The following KCNQ1 variants were observed in gnomAD, a reference collection of about 807,000 sequenced individuals.
The protein encoded by KCNQ1 is potassium voltage-gated channel subfamily KQT member 1.
Under a neutral mutation model 72.4 loss-of-function variants are expected in KCNQ1, and 49 were observed. The ratio of observed to expected loss-of-function variants is 0.68; its 90% confidence interval spans 0.54 to 0.86. The LOEUF (loss-of-function observed/expected upper bound fraction) is 0.86, where lower values mean the gene tolerates loss of function less well. Ranked by LOEUF, KCNQ1 falls within the 40% of genes least tolerant of loss-of-function variation. The pLI is 0.00. For synonymous variants in KCNQ1, 450 were observed against 412.6 expected (o/e 1.09, Z -1.10); for missense variants, 790 against 945.1 (o/e 0.84, Z 2.15).
chr11:2,638,007 C>CT (rs943117728), intron 10 of KCNQ1: 3 of 152,104 alleles, frequency 2.0e-5, no homozygotes, highest in Admixed American at 2.0e-4. Flanking sequence ...CAACCCCTGC[C>CT]TTTTTTTATT....
At chr11:2,568,749 A>G (rs559483329) in intron 2 of KCNQ1, among the ~76,000 whole-genome samples, 2 of 152,192 alleles carry the variant, frequency 1.3e-5, no homozygotes, top group Non-Finnish European at 2.9e-5. Flanking sequence ...CCTCTTCTCT[A>G]AGGAGCTCAG....
At chr11:2,825,163 C>T (rs865991419) in intron 15 of KCNQ1, among the ~76,000 whole-genome samples, 29 of 150,074 alleles carry the variant, frequency 1.9e-4, no homozygotes, top group African/African-American at 4.0e-4. Flanking sequence ...TGGGAGGTGC[C>T]GTTTCCCTGC....
intron 15 of KCNQ1, among the ~76,000 whole-genome samples, chr11:2,799,375 AGTGTGT>A (rs3079043): frequency 6.1e-5 from 9 of 147,310 alleles, no homozygotes; most frequent in African/African-American, 1.0e-4. Flanking sequence ...TGTAAGTTCG[AGTGTGT>A]GTGTGTGTGT....
At chr11:2,779,627 G>A (rs1846782710) in intron 15 of KCNQ1, among the ~76,000 whole-genome samples, 2 of 152,084 alleles carry the variant, frequency 1.3e-5, no homozygotes, top group African/African-American at 2.4e-5. Context: ...CCTTTCTTAC[G>A]GCTCTGCCCC....
chr11:2,555,286 C>T (rs1274471641), intron 2 of KCNQ1, among the ~76,000 whole-genome samples: 32 of 152,074 alleles, frequency 2.1e-4, no homozygotes, highest in Admixed American at 2.0e-3. Context: ...AAATAATGTC[C>T]CCCGCTCCAC....
At position 2,725,858 on chromosome 11, in the gene KCNQ1, A is replaced by AG. The variant is rs1057134114; in HGVS notation, c.1515-42984dup. Among the ~76,000 whole-genome samples, 4 of 145,924 alleles carry AG rather than the reference A, an allele frequency of 2.7e-5. No individual in the cohort carries two copies. Among genetic ancestry groups the AG allele is most frequent in the African/African-American group, 1.0e-4 (4 of 39,394 alleles). On this transcript the variant is annotated intron_variant, in intron 11 of 15. Transcript: ENST00000155840. This position sits in a 1 kb window ranked among gnomAD's most constrained non-coding sequence, Gnocchi z 7.2. ...CTCTGAGAGCTCCCTGGGGCCCCAC[A>AG]GGCCAAGCGTTTTCTGACTTGGAGA...
chr11:2,585,325 C>A lies in KCNQ1; in HGVS notation c.1128+18C>A. 1 of 1,605,990 alleles carries A rather than the reference C, an allele frequency of 6.2e-7. No homozygotes were observed. The highest frequency in any genetic ancestry group is 8.5e-7 in the Non-Finnish European group (1 of 1,172,968). ...TCATTCAGGTGCGGTGCCTGCAAGG[C>A]CCTGGTCACTGTCATTTTGGTCACT... On this transcript the variant is annotated intron_variant, in intron 8 of 15. Coordinates refer to ENST00000155840, the MANE Select transcript of KCNQ1 (RefSeq NM_000218.3).
rs1030885089 is a variant in KCNQ1 at position 2,526,212 on chromosome 11, T to C, written c.387-1716T>C. ...CTGGGGCACGACATGGAGGGTTCAC[T>C]GACTGGCTGGGTGTGTGGGCTGGGG... On this transcript the variant is annotated intron_variant, in intron 1 of 15. Transcript: ENST00000155840. This position sits in a 1 kb window ranked among gnomAD's most constrained non-coding sequence, Gnocchi z 6.1. Among the ~76,000 whole-genome samples the C allele has an allele frequency of 1.3e-5, 2 of 152,012 alleles. No homozygotes were observed. The highest frequency in any genetic ancestry group is 4.8e-5 in the African/African-American group (2 of 41,374).
chr11:2,837,152 C>G (rs936492930), intron 15 of KCNQ1, among the ~76,000 whole-genome samples: 3 of 152,174 alleles, frequency 2.0e-5, no homozygotes, highest in South Asian at 2.1e-4. Flanking sequence ...TGGGCAGCCT[C>G]TCGAGTGTCC....
At chr11:2,743,249 C>T (rs188047721) in intron 11 of KCNQ1, among the ~76,000 whole-genome samples, 2 of 152,218 alleles carry the variant, frequency 1.3e-5, no homozygotes, top group African/African-American at 2.4e-5. Context: ...CCCTCATTGA[C>T]TCCGAGGGTC....
At position 2,464,724 on chromosome 11, in the gene KCNQ1, T is replaced by C. The variant is rs898837443; in HGVS notation, c.386+19240T>C. Among the ~76,000 whole-genome samples the C allele has an allele frequency of 2.6e-5, 4 of 151,926 alleles. No individual in the cohort carries two copies. Among genetic ancestry groups the C allele is most frequent in the African/African-American group, 9.7e-5 (4 of 41,344 alleles). ...TCCGTGTTGGACTCTGGGATGCTGG[T>C]GGGAAGAACAGTCTGGGCGAGGAGG... On this transcript the variant is annotated intron_variant, in intron 1 of 15. Transcript: ENST00000155840. The surrounding 1 kb of genome is among the most constrained non-coding windows in gnomAD (Gnocchi z 5.0).
intron 1 of KCNQ1, among the ~76,000 whole-genome samples, chr11:2,459,020 C>T (rs566866788): frequency 3.3e-5 from 5 of 152,346 alleles, no homozygotes; most frequent in Non-Finnish European, 5.9e-5. Context: ...TTCTGATTCC[C>T]GTGCCCAGTT....
In KCNQ1 at chr11:2,766,852, G is replaced by T. The variant is rs989724267; in HGVS notation, c.1515-1992G>T. 6.6e-6 allele frequency among the ~76,000 whole-genome samples: 1 copy of T among 151,396 alleles called. No individual in the cohort carries two copies. The highest frequency in any genetic ancestry group is 1.5e-5 in the Non-Finnish European group (1 of 68,038). On this transcript the variant is annotated intron_variant, in intron 11 of 15. Transcript: ENST00000155840. The surrounding 1 kb of genome is among the most constrained non-coding windows in gnomAD (Gnocchi z 4.4). ...TTCTGTATCAGTTACCTATTGTTGC[G>T]TAGCAAACTAGACCTAAATTTAGTG...
Position 2,541,272 on chromosome 11 carries a change from G to A in KCNQ1, c.477+13254G>A, listed in dbSNP as rs1847818625. On this transcript the variant is annotated intron_variant, in intron 2 of 15. Transcript: ENST00000155840. This position sits in a 1 kb window ranked among gnomAD's most constrained non-coding sequence, Gnocchi z 4.8. Reference sequence around the variant, plus strand: ...GGCCAGCCCCTTTTCCTGGCGGGGTGATGATCTGGTCAGTTTCCGAGCACC... The same window carrying A: ...GGCCAGCCCCTTTTCCTGGCGGGGTAATGATCTGGTCAGTTTCCGAGCACC... Among the ~76,000 whole-genome samples the A allele has an allele frequency of 6.6e-6, 1 of 152,262 alleles. No homozygotes were observed. Among genetic ancestry groups the A allele is most frequent in the Non-Finnish European group, 1.5e-5 (1 of 68,052 alleles).
Position 2,583,561 on chromosome 11 carries a change from G to A in KCNQ1, c.1032+16G>A, listed in dbSNP as rs759668633. 2 of 1,581,856 alleles carry A rather than the reference G, an allele frequency of 1.3e-6. No individual in the cohort carries two copies. Among genetic ancestry groups the A allele is most frequent in the African/African-American group, 2.7e-5 (2 of 74,238 alleles). Reference sequence around the variant, plus strand: ...GCTCCCAGCGGTAGGTGCCCCGTGGGTGCGTTTTCCCTGGCTCCTTGGACA... The same window carrying A: ...GCTCCCAGCGGTAGGTGCCCCGTGGATGCGTTTTCCCTGGCTCCTTGGACA... On this transcript the variant is annotated intron_variant, in intron 7 of 15. Coordinates refer to ENST00000155840, the MANE Select transcript of KCNQ1 (RefSeq NM_000218.3).
At chr11:2,763,662 G>A (rs1320459027) in intron 11 of KCNQ1, among the ~76,000 whole-genome samples, 1 of 152,096 alleles carries the variant, frequency 6.6e-6, no homozygotes, top group African/African-American at 2.4e-5. Flanking sequence ...GGCTCAAGCA[G>A]TCCGCCCATC....
chr11:2,527,773 G>T (rs1158527062), intron 1 of KCNQ1, among the ~76,000 whole-genome samples, 155 bp from the exon 2 acceptor site: 4 of 152,244 alleles, frequency 2.6e-5, no homozygotes, highest in Non-Finnish European at 5.9e-5. Flanking sequence ...CCTACCTCTA[G>T]TGTGTGCTTA....
intron 2 of KCNQ1, among the ~76,000 whole-genome samples, chr11:2,548,288 A>C (rs1847928677): frequency 6.6e-6 from 1 of 152,176 alleles, no homozygotes; most frequent in South Asian, 2.1e-4. Context: ...GTAGACTGGG[A>C]ACGTCTTTTG....
chr11:2,630,813 T>C (rs193299413), intron 10 of KCNQ1: 4 of 398,484 alleles, frequency 1.0e-5, no homozygotes, highest in African/African-American at 6.2e-5. Flanking sequence ...GAGGAAGTCT[T>C]GTATCTGTTT....
Sources: allele counts gnomAD v4.1 joint callset (sites outside exome capture counted in the v4.1 genomes callset), GRCh38; gene constraint gnomAD v4.1.1; non-coding constraint Gnocchi (gnomAD v3.1); transcripts MANE v1.5; gene names NCBI Gene and HGNC (gene_info 2026-07-23, HGNC 2026-07-21).